Variants in USP32 observed in about 807,000 individuals in gnomAD.
USP32 encodes the protein ubiquitin specific peptidase 32.
Under a neutral mutation model 204.8 loss-of-function variants are expected in USP32, and 59 were observed. That is an observed-to-expected ratio of 0.29 (90% CI 0.23 to 0.36). The LOEUF is 0.36. Ranked by LOEUF, USP32 falls within the 10% of genes least tolerant of loss-of-function variation. The probability of loss-of-function intolerance (pLI) is 1.00; values close to 1 mark genes in which losing one functional copy is unlikely to be tolerated. For missense variants in USP32, 1,160 were observed against 1,946.4 expected (o/e 0.60, Z 7.60); for synonymous variants, 517 against 678.4 (o/e 0.76, Z 3.70).
Position 60,198,340 on chromosome 17 carries a change from T to A in USP32, c.3354A>T (p.Leu1118=), listed in dbSNP as rs1183811863. The A allele has an allele frequency of 1.9e-6, 3 of 1,614,162 alleles. No individual in the cohort carries two copies. The highest frequency in any genetic ancestry group is 2.5e-6 in the Non-Finnish European group (3 of 1,180,014). ...PCTVHTRKKD[L]YDAVWIQVSR... is the part of the protein sequence containing the mutation. ...ATACTTGAATCCAAACCGCATCATA[T>A]AGGTCTTTCTTCCGGGTATGCACAG... is the stretch of plus-strand genomic sequence containing the variant. Residue 1118 remains leucine (L), a synonymous_variant, in exon 27 of 34, where the codon CTA becomes CTT. Transcript: ENST00000300896.
intron 1 of USP32, chr17:60,421,847 T>G (rs868399334): frequency 2.6e-5 from 26 of 985,166 alleles, no homozygotes; most frequent in Non-Finnish European, 3.1e-5. Flanking sequence ...GCCTGGTGGC[T>G]GCGCACACGA....
chr17:60,347,442 C>T (rs1402735469), intron 1 of USP32, among the ~76,000 whole-genome samples: 2 of 151,798 alleles, frequency 1.3e-5, no homozygotes, highest in African/African-American at 2.4e-5. Context: ...CAAGCTCCGC[C>T]TCCCAGGTTC....
intron 1 of USP32, among the ~76,000 whole-genome samples, chr17:60,414,885 C>G (rs2090048455): frequency 6.8e-6 from 1 of 148,062 alleles, no homozygotes; most frequent in Non-Finnish European, 1.5e-5. Flanking sequence ...GAGTCTTGCT[C>G]TGTTGCCCAG....
intron 1 of USP32, among the ~76,000 whole-genome samples, chr17:60,377,790 T>C (rs1490409553): frequency 5.9e-5 from 9 of 152,202 alleles, no homozygotes; most frequent in Admixed American, 2.6e-4. Context: ...GGAAGTCTTT[T>C]GGGTTTTAGA....
intron 32 of USP32, 38 bp downstream of exon 32, chr17:60,181,286 C>T (rs377095560): frequency 3.2e-6 from 5 of 1,575,204 alleles, no homozygotes; most frequent in Non-Finnish European, 4.3e-6. Flanking sequence ...GAACAAAACA[C>T]AGACCACTCT....
At chr17:60,330,555 CT>C (rs1301241560) in intron 2 of USP32, among the ~76,000 whole-genome samples, 1 of 146,344 alleles carries the variant, frequency 6.8e-6, no homozygotes, top group Non-Finnish European at 1.5e-5. Flanking sequence ...CTCTCTCTCT[CT>C]TTTTTTTAAA....
At chr17:60,405,394 G>T (rs149321191) in intron 1 of USP32, among the ~76,000 whole-genome samples, 2,803 of 151,932 alleles carry the variant, frequency 0.018, 84 homozygotes, top group African/African-American at 0.062. Context: ...TAGTAGAGAT[G>T]GGGTTTCACC....
intron 7 of USP32, among the ~76,000 whole-genome samples, chr17:60,267,877 C>T (rs1234114915): frequency 2.6e-5 from 4 of 151,946 alleles, no homozygotes; most frequent in Non-Finnish European, 5.9e-5. Context: ...ATGGCGCAAT[C>T]TTGGCTCACT....
intron 1 of USP32, 56 bp from the exon 2 acceptor site, chr17:60,345,664 A>G: frequency 1.2e-6 from 2 of 1,605,228 alleles, no homozygotes; most frequent in African/African-American, 1.3e-5. Context: ...GAGGTGTCTC[A>G]TAATTTTTTT....
intron 2 of USP32, among the ~76,000 whole-genome samples, chr17:60,320,715 T>C (rs1173878693): frequency 6.6e-6 from 1 of 152,218 alleles, no homozygotes; most frequent in Non-Finnish European, 1.5e-5. Flanking sequence ...CACACAGTTA[T>C]ATAAACCTAT....
chr17:60,238,152 C>G (rs917657956), intron 11 of USP32, among the ~76,000 whole-genome samples: 1 of 152,156 alleles, frequency 6.6e-6, no homozygotes. Flanking sequence ...TGACTAATTA[C>G]GTTGAGCATC....
intron 2 of USP32, among the ~76,000 whole-genome samples, chr17:60,313,121 G>A (rs1479269168): frequency 6.6e-6 from 1 of 151,220 alleles, no homozygotes; most frequent in Non-Finnish European, 1.5e-5. Context: ...CATGGTGGCA[G>A]GCACCTGTAA....
intron 17 of USP32, among the ~76,000 whole-genome samples, 175 bp from the exon 18 acceptor site, chr17:60,213,837 CAGAA>C (rs2085033019): frequency 6.6e-6 from 1 of 152,074 alleles, no homozygotes; most frequent in Admixed American, 6.5e-5. Flanking sequence ...GGCAGTATGA[CAGAA>C]AGACAATGTG....
At chr17:60,305,096 A>G (rs2087689498) in intron 2 of USP32, 1 of 152,224 alleles carries the variant, frequency 6.6e-6, no homozygotes, top group Non-Finnish European at 1.5e-5. Flanking sequence ...TTAGTTCTAT[A>G]GTACAATTAA....
intron 2 of USP32, among the ~76,000 whole-genome samples, chr17:60,303,896 T>C (rs2087653623): frequency 6.6e-6 from 1 of 151,456 alleles, no homozygotes; most frequent in Non-Finnish European, 1.5e-5. Context: ...CAGGGGAAGG[T>C]AGACAGAACA....
At chr17:60,306,633 G>A (rs62084572) in intron 2 of USP32, among the ~76,000 whole-genome samples, 5,145 of 150,696 alleles carry the variant, frequency 0.034, 140 homozygotes, top group South Asian at 0.072. Flanking sequence ...GCAAGACTCC[G>A]TCTCGAAAGA....
At chr17:60,394,267 T>A (rs2089884247), upstream of USP32, among the ~76,000 whole-genome samples, 1 of 152,146 alleles carries the variant, frequency 6.6e-6, no homozygotes, top group Non-Finnish European at 1.5e-5. Flanking sequence ...TAATGGGAAG[T>A]GAATTTTATG....
chr17:60,333,834 C>A (rs1295222765), intron 2 of USP32, among the ~76,000 whole-genome samples: 2 of 152,236 alleles, frequency 1.3e-5, no homozygotes, highest in Non-Finnish European at 2.9e-5. Context: ...CAAGAATCAT[C>A]TGTCTGAAGT....
chr17:60,369,402 C>A, intron 1 of USP32, among the ~76,000 whole-genome samples: 1 of 125,846 alleles, frequency 7.9e-6, no homozygotes, highest in Admixed American at 8.9e-5. Context: ...ACACCCTAAG[C>A]AACATAGCAA....
Sources: allele counts gnomAD v4.1 joint callset (sites outside exome capture counted in the v4.1 genomes callset), GRCh38; gene constraint gnomAD v4.1.1; transcripts MANE v1.5; gene names NCBI Gene and HGNC (gene_info 2026-07-23, HGNC 2026-07-21).